The following SLC7A10 variants were observed in gnomAD, a reference collection of about 807,000 sequenced individuals.
SLC7A10 encodes asc-type amino acid transporter 1.
A neutral mutation model predicts 52.7 loss-of-function variants in SLC7A10; 30 were observed. The ratio of observed to expected loss-of-function variants is 0.57; its 90% CI spans 0.43 to 0.77. The LOEUF (loss-of-function observed/expected upper bound fraction) is 0.77, where lower values mean the gene tolerates loss of function less well. Among genes scored for constraint, SLC7A10 ranks in the 30% least tolerant of loss-of-function variants. SLC7A10 has a pLI of 0.00. For missense variants in SLC7A10, 581 were observed against 698.5 expected, an observed-to-expected ratio of 0.83 and a Z score of 1.90; for synonymous variants, 318 against 314.9, an observed-to-expected ratio of 1.01 and a Z score of -0.10.
chr19:33,210,333 CAG>C lies in SLC7A10; in HGVS notation c.1263+132_1263+133del. 1 of 1,133,566 alleles carries C rather than the reference CAG, an allele frequency of 8.8e-7. No homozygotes were observed. The highest frequency in any genetic ancestry group is 1.3e-6 in the Non-Finnish European group (1 of 798,556). 70.2% of individuals were successfully genotyped at this position (1,133,566 alleles called of 1,614,324 possible). The stretch of plus-strand genomic sequence containing the variant: ...TATGAGGAATGGCTGCCTCAGTGCA[CAG>C]AGAGCCCTGAGCAGGGCCCAACACT... On this transcript the variant is annotated intron_variant, in intron 9 of 10. Coordinates refer to ENST00000253188, the MANE Select transcript of SLC7A10 (RefSeq NM_019849.3). The surrounding 1 kb of genome is among the most constrained non-coding windows in gnomAD (Gnocchi z 5.6).
chr19:33,214,726 TG>T lies in SLC7A10; in HGVS notation c.356+1042del, dbSNP rs368355808. 1.7e-4 allele frequency among the ~76,000 whole-genome samples: 26 copies of T among 152,366 alleles called. No homozygotes were observed. The East Asian group carries it at 1.9e-3, about 11-fold the overall frequency. On this transcript the variant is annotated intron_variant, in intron 2 of 10. Transcript: ENST00000253188. Reference sequence around the variant, plus strand: ...AGCCTTAGGGCAAGCATTGCTTTCCTGGGAGTCCTCCCTAGATGGCGCACAC... The same window carrying T: ...AGCCTTAGGGCAAGCATTGCTTTCCTGGAGTCCTCCCTAGATGGCGCACAC...
At chr19:33,209,152 G>C (rs1974480036) in intron 10 of SLC7A10, 131 bp from the exon 11 acceptor site, 3 of 1,537,722 alleles carry the variant, frequency 2.0e-6, no homozygotes, top group Non-Finnish European at 2.7e-6. Flanking sequence ...TGGAAACTTT[G>C]GGTACATCTT....
chr19:33,211,975 G>A (rs1473922278), intron 5 of SLC7A10: 5 of 506,170 alleles, frequency 9.9e-6, no homozygotes, highest in Non-Finnish European at 1.8e-5. Flanking sequence ...GGCTTCATTT[G>A]TAGGGACCAT....
intron 1 of SLC7A10, 110 bp from the exon 2 acceptor site, chr19:33,216,083 C>T (rs551915267): frequency 7.2e-5 from 73 of 1,014,968 alleles, no homozygotes; most frequent in East Asian, 1.6e-4. Flanking sequence ...GGGTGCTTCC[C>T]GGAGGAGGAG....
chr19:33,222,471 A>ATAAC (rs1974833822), intron 1 of SLC7A10, among the ~76,000 whole-genome samples: 1 of 141,516 alleles, frequency 7.1e-6, no homozygotes, highest in East Asian at 2.0e-4. Context: ...AAATAAATAA[A>ATAAC]ATAAAATAAA....
intron 1 of SLC7A10, among the ~76,000 whole-genome samples, chr19:33,224,527 A>G (rs576784755): frequency 3.1e-4 from 47 of 152,146 alleles, no homozygotes; most frequent in African/African-American, 1.1e-3. Context: ...AACTTTCTCC[A>G]TCTCCAGGGG....
chr19:33,220,261 CG>C (rs1974785398), intron 1 of SLC7A10: 1 of 152,228 alleles, frequency 6.6e-6, no homozygotes, highest in Non-Finnish European at 1.5e-5. Context: ...AGGAGATGAG[CG>C]GAAGTGTGCG....
chr19:33,224,607 G>A (rs777205141), intron 1 of SLC7A10, among the ~76,000 whole-genome samples: 1 of 152,104 alleles, frequency 6.6e-6, no homozygotes, highest in Non-Finnish European at 1.5e-5. Context: ...ACTGGCTGGC[G>A]GTAAGGTGAG....
At chr19:33,222,331 C>T (rs1051804092) in intron 1 of SLC7A10, among the ~76,000 whole-genome samples, 14 of 151,150 alleles carry the variant, frequency 9.3e-5, no homozygotes, top group South Asian at 6.3e-4. Context: ...CCTGGGAGGT[C>T]GAGGCTGCAG....
intron 5 of SLC7A10, 85 bp from the exon 6 acceptor site, chr19:33,211,622 C>T (rs1974556896): frequency 1.2e-6 from 2 of 1,607,600 alleles, no homozygotes; most frequent in East Asian, 4.5e-5. Flanking sequence ...AGCTCATAGT[C>T]TCCATCTCTT....
At chr19:33,223,616 C>T (rs926663280) in intron 1 of SLC7A10, among the ~76,000 whole-genome samples, 6 of 152,102 alleles carry the variant, frequency 3.9e-5, no homozygotes, top group Middle Eastern at 3.4e-3. Context: ...TTTCCTGCCT[C>T]GTCCAGCCTC....
intron 1 of SLC7A10, among the ~76,000 whole-genome samples, chr19:33,223,607 TTCCTGCC>T (rs1421050105): frequency 6.6e-6 from 1 of 152,014 alleles, no homozygotes; most frequent in Non-Finnish European, 1.5e-5. Context: ...TCCTTGTTTT[TTCCTGCC>T]TCGTCCAGCC....
chr19:33,211,845 A>T (rs532537056), intron 5 of SLC7A10: 1 of 496,126 alleles, frequency 2.0e-6, no homozygotes, highest in Admixed American at 3.3e-5. Flanking sequence ...AAAATTCCCC[A>T]AAATGGCCCC....
rs1974465749 is a variant in SLC7A10, at chr19:33,208,818, ACT to A, written c.*71_*72del. 6.2e-7 allele frequency: 1 copy of A among 1,603,658 alleles called. No individual in the cohort carries two copies. Among genetic ancestry groups the A allele is most frequent in the South Asian group, 1.1e-5 (1 of 89,384 alleles). On this transcript the variant is annotated 3_prime_UTR_variant, in exon 11 of 11. Coordinates refer to ENST00000253188, the MANE Select transcript of SLC7A10 (RefSeq NM_019849.3). This position sits in a 1 kb window ranked among gnomAD's most constrained non-coding sequence, Gnocchi z 4.7. ...TTTTTCCAGAAAAAAACAAAACAAA[ACT>A]TTTTTGCCAAAACACCTCCTCAATA... is the stretch of plus-strand genomic sequence containing the variant.
At position 33,210,598 on chromosome 19, in the gene SLC7A10, T is replaced by C. The variant is rs1974523016; in HGVS notation, c.1132A>G (p.Ile378Val). Reference protein sequence around the residue: ...LLVCCGATAVIMLVGDTYTLI... With the variant: ...LLVCCGATAVVMLVGDTYTLI... ...GTGTACGTGTCGCCCACGAGCATGA[T>C]GACGGCTGTGGCCCCGCACTGGGAG... is the stretch of plus-strand genomic sequence containing the variant. The change falls in exon 9 of 11, where the codon ATC (isoleucine) becomes GTC (valine). Residue 378 changes from isoleucine to valine, a missense_variant. Physicochemically the swap from Ile to Val is conservative, Grantham distance 29 (BLOSUM62 3). Transcript: ENST00000253188. This position sits in a 1 kb window ranked among gnomAD's most constrained non-coding sequence, Gnocchi z 5.6. 6.2e-6 allele frequency: 10 copies of C among 1,611,820 alleles called. No individual in the cohort carries two copies. Among genetic ancestry groups the C allele is most frequent in the East Asian group, 2.2e-5 (1 of 44,880 alleles).
chr19:33,214,129 A>G (rs1974618547), intron 2 of SLC7A10, among the ~76,000 whole-genome samples: 1 of 151,928 alleles, frequency 6.6e-6, no homozygotes, highest in Middle Eastern at 3.2e-3. Context: ...TCCCTCCCGA[A>G]CGTCCTCTCC....
intron 2 of SLC7A10, 144 bp from the exon 3 acceptor site, chr19:33,213,146 G>T: frequency 9.2e-7 from 1 of 1,090,876 alleles, no homozygotes; most frequent in Non-Finnish European, 1.3e-6. Flanking sequence ...GTCCAGGGAG[G>T]CAGGGTTGAC....
chr19:33,215,627 T>G, intron 2 of SLC7A10, 142 bp downstream of exon 2: 1 of 327,390 alleles, frequency 3.1e-6, no homozygotes, highest in Non-Finnish European at 4.4e-6. Flanking sequence ...CTTCTCTCCA[T>G]CCACCCCCCA....
intron 1 of SLC7A10, among the ~76,000 whole-genome samples, chr19:33,217,086 A>G (rs926503448): frequency 2.0e-5 from 3 of 150,688 alleles, no homozygotes; most frequent in African/African-American, 7.3e-5. Context: ...TATATTGCCT[A>G]GGCTGGTCTC....
Sources: allele counts gnomAD v4.1 joint callset (sites outside exome capture counted in the v4.1 genomes callset), GRCh38; gene constraint gnomAD v4.1.1; non-coding constraint Gnocchi (gnomAD v3.1); transcripts MANE v1.5; gene names NCBI Gene and HGNC (gene_info 2026-07-23, HGNC 2026-07-21).